The following PDE4D variants were observed in gnomAD, a reference collection of about 807,000 sequenced individuals.
PDE4D encodes the protein 3',5'-cyclic-AMP phosphodiesterase 4D.
Under a neutral mutation model 87.4 loss-of-function variants are expected in PDE4D, and 24 were observed. The ratio of observed to expected loss-of-function variants is 0.27; its 90% CI spans 0.20 to 0.39. PDE4D has a LOEUF of 0.39. Ranked by LOEUF, PDE4D falls within the 10% of genes least tolerant of loss-of-function variation. The pLI, the probability that PDE4D is intolerant of heterozygous loss-of-function variation, is 1.00. For missense variants in PDE4D, 714 were observed against 1,041.0 expected, an observed-to-expected ratio of 0.69 and a Z score of 4.32; for synonymous variants, 384 against 383.2, an observed-to-expected ratio of 1.00 and a Z score of -0.02.
intron 1 of PDE4D, among the ~76,000 whole-genome samples, chr5:59,709,290 T>C (rs528537164): frequency 2.6e-5 from 4 of 152,168 alleles, no homozygotes; most frequent in Non-Finnish European, 4.4e-5. Flanking sequence ...AAATCTAAAC[T>C]CTCCAAAAGA....
At position 60,436,264 on chromosome 5, in the gene PDE4D, T is replaced by C. The variant is rs541597918; in HGVS notation, c.-90+51678A>G. Among the ~76,000 whole-genome samples the C allele has an allele frequency of 9.9e-5, 15 of 152,234 alleles. No individual in the cohort carries two copies. In the South Asian group the frequency reaches 3.1e-3, roughly 32 times the overall value. On this transcript the variant is annotated intron_variant, in intron 1 of 16. Transcript: ENST00000502484. ...AGAAATGTGGCCATATTATTTGTTC[T>C]GAAATTACTAATAGTGTCTTATATG...
intron 2 of PDE4D, among the ~76,000 whole-genome samples, chr5:59,209,989 C>T (rs1372007181): frequency 6.6e-6 from 1 of 152,182 alleles, no homozygotes; most frequent in Non-Finnish European, 1.5e-5. Context: ...GAACTCTGGC[C>T]CTAGTCCCAT....
chr5:59,453,077 CA>C (rs1404765963), intron 1 of PDE4D, among the ~76,000 whole-genome samples: 3 of 151,796 alleles, frequency 2.0e-5, no homozygotes, highest in Admixed American at 6.6e-5. Context: ...ATAATTCTTG[CA>C]ATATTTCAAA....
chr5:58,972,261 CA>C lies in PDE4D; in HGVS notation c.*2402del, dbSNP rs1189745675. ...AATAAAATTAAAAGAAACAAGTTCC[CA>C]AATATTCTTGTGAAACTACTTGGTC... On this transcript the variant is annotated 3_prime_UTR_variant, in exon 15 of 15. Coordinates refer to ENST00000340635, the MANE Select transcript of PDE4D (RefSeq NM_001104631.2). 1 of 152,532 alleles carries C rather than the reference CA, an allele frequency of 6.6e-6. No individual in the cohort carries two copies. Among genetic ancestry groups the C allele is most frequent in the African/African-American group, 2.4e-5 (1 of 41,422 alleles). The allele number at this position is 152,532 out of a possible 1,614,324, so 9.4% of individuals were successfully genotyped here. A position where few individuals can be genotyped will look rare whatever the true frequency, so the allele number is the denominator to read the frequency against.
chr5:59,289,022 G>A (rs1767506517), intron 1 of PDE4D, among the ~76,000 whole-genome samples: 1 of 151,982 alleles, frequency 6.6e-6, no homozygotes, highest in Admixed American at 6.6e-5. Flanking sequence ...ACTAGCATTA[G>A]TAAATACACA....
rs144275399 is a variant in PDE4D, at chr5:59,604,040, AATATAG to A, written c.455+289122_455+289127del. 2.6e-3 allele frequency among the ~76,000 whole-genome samples: 403 copies of A among 152,110 alleles called. 3 individuals are homozygous for A. Among genetic ancestry groups the A allele is most frequent in the African/African-American group, 9.1e-3 (379 of 41,542 alleles). ...TACACAATTTTATTGGACAGTTAAG[AATATAG>A]ATATAATTTTAAAATTTACTTAGAT... On this transcript the variant is annotated intron_variant, in intron 1 of 14. Coordinates refer to ENST00000340635, the MANE Select transcript of PDE4D (RefSeq NM_001104631.2).
chr5:60,372,084 C>T (rs1304083222), intron 1 of PDE4D, among the ~76,000 whole-genome samples: 1 of 152,154 alleles, frequency 6.6e-6, no homozygotes, highest in African/African-American at 2.4e-5. Context: ...ACACTCTCAC[C>T]AGCAGTCTAG....
At chr5:59,467,577 G>A (rs1562240889) in intron 1 of PDE4D, among the ~76,000 whole-genome samples, 1 of 152,090 alleles carries the variant, frequency 6.6e-6, no homozygotes, top group Non-Finnish European at 1.5e-5. Context: ...ACAATGTCTT[G>A]TTACTAAAAG....
At chr5:59,562,619 G>A (rs1419945054) in intron 1 of PDE4D, among the ~76,000 whole-genome samples, 3 of 152,130 alleles carry the variant, frequency 2.0e-5, no homozygotes, top group Non-Finnish European at 4.4e-5. Flanking sequence ...CCGTCTCTTT[G>A]TCACTCACAA....
At chr5:60,145,246 C>A (rs536652017) in intron 2 of PDE4D, among the ~76,000 whole-genome samples, 1 of 152,130 alleles carries the variant, frequency 6.6e-6, no homozygotes, top group African/African-American at 2.4e-5. Context: ...ATATTTTCTG[C>A]CAGAGTGACA....
intron 1 of PDE4D, chr5:59,276,125 A>G (rs970714359): frequency 9.8e-6 from 5 of 512,380 alleles, no homozygotes; most frequent in Non-Finnish European, 1.2e-5. Flanking sequence ...GAGAAAGGAA[A>G]AAAAAAAAAA....
chr5:58,976,573 T>C, intron 12 of PDE4D, 101 bp from the exon 13 acceptor site: 2 of 900,836 alleles, frequency 2.2e-6, no homozygotes, highest in East Asian at 2.7e-5. Flanking sequence ...AACAACACTA[T>C]GCCTTTTAAT....
In PDE4D at chr5:58,970,165, A is replaced by G. The variant is rs1742370513; in HGVS notation, c.*4499T>C. 3 of 152,188 alleles carry G rather than the reference A, an allele frequency of 2.0e-5. No homozygotes were observed. Among genetic ancestry groups the G allele is most frequent in the Admixed American group, 2.0e-4 (3 of 15,270 alleles). The allele number at this position is 152,188 out of a possible 1,614,324, so 9.4% of individuals were successfully genotyped here. On this transcript the variant is annotated 3_prime_UTR_variant, in exon 15 of 15. Transcript: ENST00000340635. ...GTACTATCCCCGTGGGCTGTAAGAGAGGCTAAGAAACCACTAAAAGAATAA... is the reference window on the plus strand; with the variant it reads ...GTACTATCCCCGTGGGCTGTAAGAGGGGCTAAGAAACCACTAAAAGAATAA...
intron 1 of PDE4D, among the ~76,000 whole-genome samples, chr5:59,358,200 G>A (rs1781684903): frequency 6.6e-6 from 1 of 152,212 alleles, no homozygotes; most frequent in Non-Finnish European, 1.5e-5. Flanking sequence ...CAGCTTTGGA[G>A]ACGAGTAATA....
At position 60,169,845 on chromosome 5, in the gene PDE4D, C is replaced by T. The variant is rs185220862; in HGVS notation, c.42+15712G>A. ...ATGCAATAACAATAATTTTTTAAAT[C>T]CATTAATTTCCATTCTTCTTGATTT... On this transcript the variant is annotated intron_variant, in intron 2 of 16. Transcript: ENST00000502484. Among the ~76,000 whole-genome samples the T allele has an allele frequency of 2.2e-4, 34 of 152,018 alleles. 1 individual carries two copies. The East Asian group carries it at 4.4e-3, about 20-fold the overall frequency.
chr5:59,774,420 AG>A (rs994828922), intron 1 of PDE4D, among the ~76,000 whole-genome samples: 14 of 152,322 alleles, frequency 9.2e-5, no homozygotes, highest in African/African-American at 3.4e-4. Flanking sequence ...GCCAGTAAAC[AG>A]TTTTTTTAAG....
At chr5:59,477,803 A>G (rs1303641375) in intron 1 of PDE4D, among the ~76,000 whole-genome samples, 1 of 152,078 alleles carries the variant, frequency 6.6e-6, no homozygotes, top group African/African-American at 2.4e-5. Context: ...CCACCCTATC[A>G]GTGGTGGTTT....
At chr5:59,018,853 T>G (rs1195081739) in intron 6 of PDE4D, among the ~76,000 whole-genome samples, 1 of 152,092 alleles carries the variant, frequency 6.6e-6, no homozygotes, top group African/African-American at 2.4e-5. Context: ...TAACCTTTAA[T>G]GAGCACTGTC....
At chr5:59,546,135 A>G (rs1337354771) in intron 1 of PDE4D, among the ~76,000 whole-genome samples, 11 of 152,266 alleles carry the variant, frequency 7.2e-5, no homozygotes, top group Admixed American at 6.5e-4. Flanking sequence ...TAGTTTATCC[A>G]ATAGCACAGT....
Sources: allele counts gnomAD v4.1 joint callset (sites outside exome capture counted in the v4.1 genomes callset), GRCh38; gene constraint gnomAD v4.1.1; transcripts MANE v1.5; gene names NCBI Gene and HGNC (gene_info 2026-07-23, HGNC 2026-07-21).